The following LAMA5 variants were observed in gnomAD, a reference collection of about 807,000 sequenced individuals.
LAMA5 encodes laminin subunit alpha 5.
LAMA5 carries 260 observed loss-of-function variants against 433.4 expected under a neutral mutation model. The ratio of observed to expected loss-of-function variants is 0.60; its 90% CI spans 0.54 to 0.66. The LOEUF is 0.66. LAMA5 is among the 30% of genes least tolerant of loss of function. LAMA5 has a pLI of 0.00. For missense variants in LAMA5, 5,378 were observed against 5,258.5 expected, an observed-to-expected ratio of 1.02 and a Z score of -0.70; for synonymous variants, 2,620 against 2,226.6, an observed-to-expected ratio of 1.18 and a Z score of -4.97.
rs1297035408 is a variant in LAMA5, at chr20:62,359,100, G to A, written c.450+3300C>T. ...GGGCCTCGGGGACTGGGACAAAGCC[G>A]CTACCCCACCTGTAGCACCTGCAGC... On this transcript the variant is annotated intron_variant, in intron 2 of 79. Coordinates refer to ENST00000252999, the MANE Select transcript of LAMA5 (RefSeq NM_005560.6). This position sits in a 1 kb window ranked among gnomAD's most constrained non-coding sequence, Gnocchi z 4.3. Among the ~76,000 whole-genome samples, 1 of 152,068 alleles carries A rather than the reference G, an allele frequency of 6.6e-6. No homozygotes were observed. Among genetic ancestry groups the A allele is most frequent in the Admixed American group, 6.5e-5 (1 of 15,278 alleles).
chr20:62,329,791 G>A lies in LAMA5; in HGVS notation c.4105C>T (p.Arg1369Trp), dbSNP rs1348704187. 9.9e-6 allele frequency: 16 copies of A among 1,612,208 alleles called. No homozygotes were observed. The highest frequency in any genetic ancestry group is 2.2e-5 in the East Asian group (1 of 44,870). ...CTGGGACTCACCAGCCAGAGCCACC[G>A]GCCCTTGGGCACACGCACGGTCACA... ...LTVTVRVPKG[R>W]WLWLDYVLVV... Residue 1369 changes from arginine to tryptophan, a missense_variant, in exon 32 of 80, where the codon CGG (arginine) becomes TGG (tryptophan). Transcript: ENST00000252999.
rs763891061 is a variant in LAMA5 at position 62,333,123 on chromosome 20, C to T, written c.3249G>A (p.Ser1083=). The change falls in exon 26 of 80, where the codon TCG becomes TCA. Residue 1083 remains serine, a synonymous_variant. Coordinates refer to ENST00000252999, the MANE Select transcript of LAMA5 (RefSeq NM_005560.6). The part of the protein sequence containing the change: ...RPCPTEQLSP[S]HPPLITCTGS... ...CCGTGCAGGTGATCAGTGGCGGGTG[C>T]GACGGGCTGAGCTGCTCCGTGGGGC... 3 of 1,473,690 alleles carry T rather than the reference C, an allele frequency of 2.0e-6. No homozygotes were observed. The highest frequency in any genetic ancestry group is 2.6e-5 in the Admixed American group (1 of 37,882). 91.3% of individuals were successfully genotyped at this position (1,473,690 alleles called of 1,614,324 possible). A position where few individuals can be genotyped will look rare whatever the true frequency, so the allele number is the denominator to read the frequency against.
chr20:62,332,376 A>C lies in LAMA5; in HGVS notation c.3548T>G (p.Phe1183Cys). 6.2e-7 allele frequency: 1 copy of C among 1,610,796 alleles called. No homozygotes were observed. The change falls in exon 28 of 80, where the codon TTC becomes TGC. Residue 1183 changes from phenylalanine (F) to cysteine (C), a missense_variant. Physicochemically the swap from Phe to Cys is radical, Grantham distance 205. Transcript: ENST00000252999. ...GGGGACCTGAGGGGTCCTTACCAGG[A>C]AGAAGCGTGCCTGTTCGGCTGTGAG... ...VRLTAEQARF[F>C]LHGVTLVPIE...
rs1157140801 is a variant in LAMA5 at position 62,312,475 on chromosome 20, C to T, written c.9285G>A (p.Lys3095=). 5.6e-6 allele frequency: 9 copies of T among 1,598,372 alleles called. No homozygotes were observed. Among genetic ancestry groups the T allele is most frequent in the Non-Finnish European group, 6.8e-6 (8 of 1,179,646 alleles). Residue 3095 remains lysine (K), a synonymous_variant, in exon 68 of 80, where the codon AAG becomes AAA. Transcript: ENST00000252999. The part of the protein sequence containing the change: ...GSVRGCVKGI[K]ALGKYVDLKR... ...TGAGGTCCACATACTTGCCCAGGGCCTTGATGCCTTTGACGCAGCCACGGA... is the reference window on the plus strand; with the variant it reads ...TGAGGTCCACATACTTGCCCAGGGCTTTGATGCCTTTGACGCAGCCACGGA...
Position 62,329,921 on chromosome 20 carries a change from G to A in LAMA5, c.3980-5C>T. The A allele has an allele frequency of 6.2e-7, 1 of 1,610,558 alleles. No homozygotes were observed. The highest frequency in any genetic ancestry group is 8.5e-7 in the Non-Finnish European group (1 of 1,179,568). ...AGAAGCTGGCGTTGGCGTGGCCTGG[G>A]CGGGGGAGAAAGGCAGGGTCAGGCC... On this transcript the variant is annotated splice_polypyrimidine_tract_variant and splice_region_variant and intron_variant, in intron 31 of 79. Transcript: ENST00000252999.
Position 62,316,928 on chromosome 20 carries a change from T to TCG in LAMA5, c.7605_7606dup (p.Glu2536AlafsTer38). The TCG allele has an allele frequency of 6.4e-7, 1 of 1,555,290 alleles. No individual in the cohort carries two copies. Among genetic ancestry groups the TCG allele is most frequent in the South Asian group, 1.2e-5 (1 of 85,200 alleles). ...CTGCAGGGCCTGGCCAGCAGCATCCTCGGCAGCCTGCACGGCCTGCAGGAT... is the reference window on the plus strand; with the variant it reads ...CTGCAGGGCCTGGCCAGCAGCATCCTCGCGGCAGCCTGCACGGCCTGCAGGAT... On this transcript the variant is annotated frameshift_variant, in exon 56 of 80. Coordinates refer to ENST00000252999, the MANE Select transcript of LAMA5 (RefSeq NM_005560.6). LOFTEE classifies it high-confidence loss of function.
rs1448993425 is a variant in LAMA5, at chr20:62,324,549, A to G, written c.5535T>C (p.Cys1845=). 2.3e-5 allele frequency: 37 copies of G among 1,610,078 alleles called. No homozygotes were observed. Among genetic ancestry groups the G allele is most frequent in the Non-Finnish European group, 3.0e-5 (35 of 1,178,418 alleles). ...ASYRGDSCQE[C]APGFYRDVKG... ...TGACGTCCCGATAGAAGCCGGGGGC[A>G]CATTCCTGAGGGTGTACGGGGGCAG... The change falls in exon 42 of 80, where the codon TGT becomes TGC. Residue 1845 remains cysteine, a synonymous_variant. Transcript: ENST00000252999. The surrounding 1 kb of genome is among the most constrained non-coding windows in gnomAD (Gnocchi z 4.4).
chr20:62,315,033 T>A lies in LAMA5; in HGVS notation c.8042A>T (p.His2681Leu). 1 of 1,591,034 alleles carries A rather than the reference T, an allele frequency of 6.3e-7. No homozygotes were observed. Among genetic ancestry groups the A allele is most frequent in the Non-Finnish European group, 8.5e-7 (1 of 1,174,670 alleles). The change falls in exon 59 of 80, where the codon CAC becomes CTC. Residue 2681 changes from histidine (H) to leucine (L), a missense_variant. Physicochemically the swap from His to Leu is moderately conservative, Grantham distance 99. Coordinates refer to ENST00000252999, the MANE Select transcript of LAMA5 (RefSeq NM_005560.6). Reference protein sequence around the residue: ...DLGQAVLDAGHSVSTLEKTLP... With the variant: ...DLGQAVLDAGLSVSTLEKTLP... ...CGCGAGGGCCATGGGCGCACCTGAGTGGCCTGCGTCAAGCACTGCCTGGCC... is the reference window on the plus strand; with the variant it reads ...CGCGAGGGCCATGGGCGCACCTGAGAGGCCTGCGTCAAGCACTGCCTGGCC...
At chr20:62,333,839 G>C in intron 23 of LAMA5, 62 bp downstream of exon 23, 1 of 1,447,614 alleles carries the variant, frequency 6.9e-7, no homozygotes, top group African/African-American at 1.4e-5. Flanking sequence ...GCTTGGGAGT[G>C]GGGTGGGGTG....
rs1299793021 is a variant in LAMA5, at chr20:62,330,617, G to A, written c.3853-3C>T. ...TGGGTGGTGAAGACCACGGTGGCCT[G>A]CAGGGATAGGCCCTAGTGAGCAGGC... On this transcript the variant is annotated splice_polypyrimidine_tract_variant and splice_region_variant and intron_variant, in intron 30 of 79. Coordinates refer to ENST00000252999, the MANE Select transcript of LAMA5 (RefSeq NM_005560.6). 2.5e-6 allele frequency: 4 copies of A among 1,588,422 alleles called. No homozygotes were observed. The highest frequency in any genetic ancestry group is 1.7e-4 in the Middle Eastern group (1 of 6,016).
intron 50 of LAMA5, among the ~76,000 whole-genome samples, chr20:62,320,273 G>A (rs1052146251): frequency 2.3e-5 from 3 of 130,528 alleles, no homozygotes; most frequent in South Asian, 4.7e-4. Flanking sequence ...AGCCGAGATC[G>A]AGCCATTGCA....
rs1217924284 is a variant in LAMA5 at position 62,332,569 on chromosome 20, G to A, written c.3431C>T (p.Pro1144Leu). 1 of 1,595,196 alleles carries A rather than the reference G, an allele frequency of 6.3e-7. No individual in the cohort carries two copies. Among genetic ancestry groups the A allele is most frequent in the Admixed American group, 1.7e-5 (1 of 58,270 alleles). ...GGCTCCCACTCACCTGTACAGGCAG[G>A]GGTGCAGGGAGAGCAGCCCCTGCTG... Reference protein sequence around the residue: ...APQQGLLSLHPCLYSTLCRGT... With the variant: ...APQQGLLSLHLCLYSTLCRGT... Residue 1144 changes from proline to leucine, a missense_variant, in exon 27 of 80, where the codon CCC (proline) becomes CTC (leucine). Transcript: ENST00000252999.
chr20:62,346,300 A>G (rs1030114534), intron 9 of LAMA5, 85 bp from the exon 10 acceptor site: 23 of 1,513,942 alleles, frequency 1.5e-5, no homozygotes, highest in Non-Finnish European at 2.0e-5. Context: ...CTACCTCCCC[A>G]GCCAGGGCCA....
Position 62,322,106 on chromosome 20 carries a change from G to A in LAMA5, c.6409C>T (p.Leu2137Phe), listed in dbSNP as rs773266709. The change falls in exon 48 of 80, where the codon CTC becomes TTC. Residue 2137 changes from leucine (L) to phenylalanine (F), a missense_variant. Leu to Phe is a conservative substitution (Grantham distance 22). Transcript: ENST00000252999. ...CAGGTGTCGCAGCGCTCCCCGCTGAGCCCCGGGGGGCAGTTGCAGCGGCCC... is the reference window on the plus strand; with the variant it reads ...CAGGTGTCGCAGCGCTCCCCGCTGAACCCCGGGGGGCAGTTGCAGCGGCCC... The part of the protein sequence containing the change: ...HTGRCNCPPG[L>F]SGERCDTCSQ... 1.9e-6 allele frequency: 3 copies of A among 1,602,736 alleles called. No individual in the cohort carries two copies. In the African/African-American group the frequency reaches 4.0e-5, roughly 21 times the overall value.
At position 62,337,604 on chromosome 20, in the gene LAMA5, A is replaced by G; in HGVS notation, c.2150T>C (p.Phe717Ser). 1 of 1,609,110 alleles carries G rather than the reference A, an allele frequency of 6.2e-7. No individual in the cohort carries two copies. Among genetic ancestry groups the G allele is most frequent in the Non-Finnish European group, 8.5e-7 (1 of 1,178,438 alleles). The change falls in exon 16 of 80, where the codon TTC becomes TCC. Residue 717 changes from phenylalanine (F) to serine (S), a missense_variant. Physicochemically the swap from Phe to Ser is radical, Grantham distance 155 (BLOSUM62 -2). Transcript: ENST00000252999. ...CDTCVPGAYNFPYCEAGSCHP... is the reference protein window; with the variant it reads ...CDTCVPGAYNSPYCEAGSCHP... ...TGCCTGCTCACCTTCGCAGTAGGGGAAGTTGTAGGCACCGGGCACACATGT... is the reference window on the plus strand; with the variant it reads ...TGCCTGCTCACCTTCGCAGTAGGGGGAGTTGTAGGCACCGGGCACACATGT...
In LAMA5 at chr20:62,325,664, G is replaced by A. The variant is rs1979168700; in HGVS notation, c.5299-118C>T. On this transcript the variant is annotated intron_variant, in intron 40 of 79. Coordinates refer to ENST00000252999, the MANE Select transcript of LAMA5 (RefSeq NM_005560.6). The stretch of plus-strand genomic sequence containing the variant: ...GGGGCACAAAGACCATGGGGCAGGA[G>A]GAGGTACACACAGGTAGAAAAACCA... The A allele has an allele frequency of 6.2e-6, 4 of 648,112 alleles. No individual in the cohort carries two copies. In the South Asian group the frequency reaches 8.5e-5, roughly 14 times the overall value. The allele number at this position is 648,112 out of a possible 1,614,324, so 40.1% of individuals were successfully genotyped here. A position where few individuals can be genotyped will look rare whatever the true frequency, so the allele number is the denominator to read the frequency against.
At position 62,316,870 on chromosome 20, in the gene LAMA5, G is replaced by A. The variant is rs1237534133; in HGVS notation, c.7653+12C>T. 2.6e-6 allele frequency: 4 copies of A among 1,532,314 alleles called. No individual in the cohort carries two copies. The highest frequency in any genetic ancestry group is 1.4e-5 in the African/African-American group (1 of 73,498). The allele number at this position is 1,532,314 out of a possible 1,614,324, so 94.9% of individuals were successfully genotyped here. ...GCTCCTGCTGGGGCTGAGGGGAAGT[G>A]AGGGGCCTCACCGCCCACGTGTGGT... On this transcript the variant is annotated intron_variant, in intron 56 of 79. Coordinates refer to ENST00000252999, the MANE Select transcript of LAMA5 (RefSeq NM_005560.6).
At chr20:62,318,751 C>T in intron 52 of LAMA5, 92 bp downstream of exon 52, 3 of 1,568,332 alleles carry the variant, frequency 1.9e-6, no homozygotes, top group Middle Eastern at 1.7e-4. Flanking sequence ...CCCCGTGATG[C>T]CCACCTGATG....
rs764448619 is a variant in LAMA5, at chr20:62,312,640, C to T, written c.9219G>A (p.Leu3073=). 1.2e-6 allele frequency: 2 copies of T among 1,606,200 alleles called. No individual in the cohort carries two copies. Among genetic ancestry groups the T allele is most frequent in the Non-Finnish European group, 8.5e-7 (1 of 1,177,552 alleles). Residue 3073 remains leucine, a synonymous_variant, in exon 67 of 80, where the codon CTG becomes CTA. Coordinates refer to ENST00000252999, the MANE Select transcript of LAMA5 (RefSeq NM_005560.6). ...CTGCGCACAGTGCTTACCTCGGGGGCAGCTGGTCGGGCGGCACGCCCCCCA... is the reference window on the plus strand; with the variant it reads ...CTGCGCACAGTGCTTACCTCGGGGGTAGCTGGTCGGGCGGCACGCCCCCCA... ...YYLGGVPPDQ[L]PPSLRRLFPT...
Sources: gnomAD v4.1 joint callset for allele counts (sites outside exome capture counted in the v4.1 genomes callset) on GRCh38, gnomAD v4.1.1 for gene constraint, Gnocchi (gnomAD v3.1) non-coding constraint, MANE v1.5 for transcripts, NCBI Gene and HGNC (gene_info 2026-07-23, HGNC 2026-07-21) for gene names.